Variants in WDPCP observed in about 807,000 individuals in gnomAD.
WDPCP encodes the protein WD repeat containing planar cell polarity effector, also known as WD repeat-containing and planar cell polarity effector protein fritz homolog.
A neutral mutation model predicts 93.1 loss-of-function variants in WDPCP; 71 were observed. The ratio of observed to expected loss-of-function variants is 0.76; its 90% CI spans 0.63 to 0.93. WDPCP has a LOEUF of 0.93. WDPCP is among the 40% of genes least tolerant of loss of function. The probability of loss-of-function intolerance (pLI) is 0.00; values close to 1 mark genes in which losing one functional copy is unlikely to be tolerated. For missense variants in WDPCP, 844 were observed against 887.4 expected, an observed-to-expected ratio of 0.95 and a Z score of 0.62; for synonymous variants, 315 against 315.0, an observed-to-expected ratio of 1.00 and a Z score of 0.00.
chr2:63,750,858 T>C (rs992929266), intron 2 of WDPCP, among the ~76,000 whole-genome samples: 1 of 152,176 alleles, frequency 6.6e-6, no homozygotes, highest in South Asian at 2.1e-4. Context: ...ATTACTGATA[T>C]ATATTGCTGC....
chr2:63,593,682 G>A (rs1454689770), upstream of WDPCP: 3 of 471,306 alleles, frequency 6.4e-6, no homozygotes, highest in African/African-American at 6.0e-5. Context: ...TCGGGGAAAG[G>A]AATGGTTCAC....
At chr2:63,336,777 G>A (rs896868492) in intron 12 of WDPCP, among the ~76,000 whole-genome samples, 10 of 150,800 alleles carry the variant, frequency 6.6e-5, no homozygotes, top group African/African-American at 2.0e-4. Flanking sequence ...CTATTTTTAC[G>A]TGTACAGTTC....
chr2:63,363,348 C>T (rs897732134), intron 12 of WDPCP, among the ~76,000 whole-genome samples: 3 of 152,056 alleles, frequency 2.0e-5, no homozygotes, highest in African/African-American at 7.2e-5. Flanking sequence ...CCTGTAATCC[C>T]AGCACTTTGG....
intron 12 of WDPCP, among the ~76,000 whole-genome samples, chr2:63,323,527 ATAAG>A (rs1413380330): frequency 5.3e-5 from 8 of 152,126 alleles, no homozygotes; most frequent in Non-Finnish European, 1.2e-4. Flanking sequence ...TCCTATTCAT[ATAAG>A]TAAGGACAAA....
chr2:63,802,215 G>A (rs895397163), intron 2 of WDPCP, among the ~76,000 whole-genome samples: 4 of 136,352 alleles, frequency 2.9e-5, no homozygotes, highest in African/African-American at 1.1e-4. Context: ...GAAGGCCAAC[G>A]TGGGCAGATC....
At chr2:63,250,770 T>C (rs1680644689) in intron 14 of WDPCP, among the ~76,000 whole-genome samples, 1 of 152,216 alleles carries the variant, frequency 6.6e-6, no homozygotes, top group African/African-American at 2.4e-5. Flanking sequence ...AAGAAATTAG[T>C]TTGTCTTAAT....
chr2:63,395,358 C>T (rs1405112674), intron 10 of WDPCP, among the ~76,000 whole-genome samples: 4 of 152,122 alleles, frequency 2.6e-5, no homozygotes, highest in African/African-American at 4.8e-5. Flanking sequence ...ACTCAATAGG[C>T]AGTATTTCAT....
At chr2:63,620,654 A>G (rs1474977877) in intron 3 of WDPCP, among the ~76,000 whole-genome samples, 1 of 152,178 alleles carries the variant, frequency 6.6e-6, no homozygotes, top group African/African-American at 2.4e-5. Flanking sequence ...AGATCTCCCA[A>G]CACAGTGCTT....
intron 12 of WDPCP, among the ~76,000 whole-genome samples, chr2:63,317,655 G>T (rs572309647): frequency 2.0e-5 from 3 of 152,232 alleles, no homozygotes; most frequent in South Asian, 4.2e-4. Context: ...GACAACAGCA[G>T]CAATGGGGAA....
At chr2:63,690,966 C>A (rs1668880896) in intron 2 of WDPCP, among the ~76,000 whole-genome samples, 1 of 151,970 alleles carries the variant, frequency 6.6e-6, no homozygotes, top group Admixed American at 6.6e-5. Context: ...CCACATAATT[C>A]AAGAATAGTT....
rs113440518 is a variant in WDPCP at position 63,454,496 on chromosome 2, G to A, written c.385-14625C>T. Among the ~76,000 whole-genome samples the A allele has an allele frequency of 7.8e-3, 1,171 of 150,994 alleles. 14 individuals carry two copies. The highest frequency in any genetic ancestry group is 0.023 in the African/African-American group (955 of 40,776). On this transcript the variant is annotated intron_variant, in intron 6 of 17. Transcript: ENST00000272321. Reference sequence around the variant, plus strand: ...GTGCACATGTACCCCAGAACTTAACGTATAATAATAAAAAATAAAAATAAA... The same window carrying A: ...GTGCACATGTACCCCAGAACTTAACATATAATAATAAAAAATAAAAATAAA...
At chr2:63,750,976 ATGG>A (rs1413001545) in intron 2 of WDPCP, among the ~76,000 whole-genome samples, 2 of 152,148 alleles carry the variant, frequency 1.3e-5, no homozygotes, top group African/African-American at 4.8e-5. Context: ...TATCAGAGTT[ATGG>A]TGGCCTCACG....
chr2:63,147,726 T>A (rs1427417497), intron 17 of WDPCP, among the ~76,000 whole-genome samples: 1 of 152,046 alleles, frequency 6.6e-6, no homozygotes, highest in Non-Finnish European at 1.5e-5. Context: ...CCCAGCACTT[T>A]GGGGGGCCAA....
chr2:63,629,035 T>C lies in WDPCP; in HGVS notation n.488+21624A>G, dbSNP rs562258903. Among the ~76,000 whole-genome samples, 411 of 152,338 alleles carry C rather than the reference T, an allele frequency of 2.7e-3. 23 individuals carry two copies. In the South Asian group the frequency reaches 0.083, roughly 31 times the overall value. ...GAGTAGACATTCTTTCATCTATTAT[T>C]TCCTCTAAGTATAACTAAAGGAGTA... On this transcript the variant is annotated intron_variant and non_coding_transcript_variant, in intron 3 of 4. Coordinates refer to the WDPCP transcript ENST00000467687.
intron 14 of WDPCP, among the ~76,000 whole-genome samples, chr2:63,176,240 A>G (rs1673792650): frequency 6.6e-6 from 1 of 152,066 alleles, no homozygotes; most frequent in Non-Finnish European, 1.5e-5. Flanking sequence ...ATGTGGATTC[A>G]AGTCACTTGT....
At chr2:63,162,724 T>A (rs1574768174) in intron 15 of WDPCP, among the ~76,000 whole-genome samples, 1 of 152,156 alleles carries the variant, frequency 6.6e-6, no homozygotes, top group East Asian at 1.9e-4. Context: ...TAAAAAATTA[T>A]ATCTTTGAAT....
At chr2:63,272,656 G>T (rs192997095) in intron 13 of WDPCP, among the ~76,000 whole-genome samples, 2 of 152,186 alleles carry the variant, frequency 1.3e-5, no homozygotes, top group Non-Finnish European at 2.9e-5. Context: ...TTCTGAAACT[G>T]AAGAATTCAA....
chr2:63,251,179 AAAAGTTT>A (rs1361964543), intron 14 of WDPCP, among the ~76,000 whole-genome samples: 1 of 152,208 alleles, frequency 6.6e-6, no homozygotes, highest in Non-Finnish European at 1.5e-5. Flanking sequence ...GAACGACACC[AAAAGTTT>A]ATACTTTGAA....
intron 17 of WDPCP, among the ~76,000 whole-genome samples, chr2:63,142,671 T>C (rs1671160788): frequency 6.6e-6 from 1 of 152,156 alleles, no homozygotes. Context: ...AAATCCATTG[T>C]TTCTTTGTTG....
Sources: gnomAD v4.1 joint callset for allele counts (sites outside exome capture counted in the v4.1 genomes callset) on GRCh38, gnomAD v4.1.1 for gene constraint, MANE v1.5 for transcripts, NCBI Gene and HGNC (gene_info 2026-07-23, HGNC 2026-07-21) for gene names.